The following FSTL4 variants were observed in gnomAD, a reference collection of about 807,000 sequenced individuals.
FSTL4 encodes the protein follistatin-related protein 4.
Under a neutral mutation model 78.2 loss-of-function variants are expected in FSTL4, and 28 were observed. The ratio of observed to expected loss-of-function variants is 0.36; its 90% CI spans 0.27 to 0.49. The LOEUF is 0.49. FSTL4 is among the 20% of genes least tolerant of loss of function. FSTL4 has a pLI of 0.98. For missense variants in FSTL4, 922 were observed against 1,084.9 expected, an observed-to-expected ratio of 0.85 and a Z score of 2.11; for synonymous variants, 422 against 440.5, an observed-to-expected ratio of 0.96 and a Z score of 0.53.
chr5:133,454,469 G>A (rs1428707603), intron 3 of FSTL4, among the ~76,000 whole-genome samples: 2 of 152,158 alleles, frequency 1.3e-5, no homozygotes, highest in African/African-American at 2.4e-5. Flanking sequence ...ACACAACTTC[G>A]GCATCAATCC....
At chr5:133,703,846 G>A in the FSTL4 span, among the ~76,000 whole-genome samples, 1 of 152,314 alleles carries the variant, frequency 6.6e-6, no homozygotes, top group Non-Finnish European at 1.5e-5. Context: ...GGGACTCCAG[G>A]GCCGAGCAAG....
chr5:133,777,859 A>G, the FSTL4 span, among the ~76,000 whole-genome samples: 1 of 152,258 alleles, frequency 6.6e-6, no homozygotes, highest in African/African-American at 2.4e-5. Flanking sequence ...TGCAATGAAC[A>G]GTCACATAGA....
chr5:133,581,721 T>C (rs1760414631), intron 2 of FSTL4, among the ~76,000 whole-genome samples: 1 of 152,252 alleles, frequency 6.6e-6, no homozygotes, highest in South Asian at 2.1e-4. Context: ...ATCCAGAGTA[T>C]AGGCCATACC....
At chr5:133,817,168 C>T in the FSTL4 span, among the ~76,000 whole-genome samples, 1 of 152,246 alleles carries the variant, frequency 6.6e-6, no homozygotes, top group Non-Finnish European at 1.5e-5. Flanking sequence ...CTTTTTAAAT[C>T]CTCGCGACAG....
At chr5:133,577,695 C>T (rs1456712685) in intron 2 of FSTL4, among the ~76,000 whole-genome samples, 3 of 152,094 alleles carry the variant, frequency 2.0e-5, no homozygotes, top group Non-Finnish European at 4.4e-5. Context: ...TTTGAGCCCA[C>T]GAGTTCGAGA....
chr5:133,411,256 C>T (rs750222465), intron 3 of FSTL4, among the ~76,000 whole-genome samples: 2 of 152,160 alleles, frequency 1.3e-5, no homozygotes, highest in Non-Finnish European at 2.9e-5. Flanking sequence ...ACTAGAATTA[C>T]AGCTACTGCA....
chr5:133,774,982 CAA>C, the FSTL4 span, among the ~76,000 whole-genome samples: 82 of 106,782 alleles, frequency 7.7e-4, 1 homozygote, highest in African/African-American at 2.2e-3. Context: ...TCTAAAATGA[CAA>C]AAAAAAAATG....
At chr5:133,388,112 A>T (rs1310576015) in intron 4 of FSTL4, 1 of 152,232 alleles carries the variant, frequency 6.6e-6, no homozygotes, top group Non-Finnish European at 1.5e-5. Context: ...TACCCTTTGC[A>T]ATTTTTGGTA....
chr5:133,277,493 A>G (rs1752909994), intron 6 of FSTL4, among the ~76,000 whole-genome samples: 1 of 152,198 alleles, frequency 6.6e-6, no homozygotes, highest in Non-Finnish European at 1.5e-5. Context: ...TTTTCTATGT[A>G]TGCTGCACTC....
intron 3 of FSTL4, among the ~76,000 whole-genome samples, chr5:133,406,360 T>C (rs927231528): frequency 7.2e-5 from 11 of 152,152 alleles, no homozygotes; most frequent in African/African-American, 2.7e-4. Flanking sequence ...GATGCAAAGT[T>C]TCACCCTGCC....
At chr5:133,284,887 G>A (rs190980071) in intron 6 of FSTL4, among the ~76,000 whole-genome samples, 23 of 152,280 alleles carry the variant, frequency 1.5e-4, no homozygotes, top group Middle Eastern at 6.8e-3. Context: ...ACAGACCCAC[G>A]GGAAGAGACA....
chr5:133,643,770 G>C, the FSTL4 span, among the ~76,000 whole-genome samples: 3 of 152,198 alleles, frequency 2.0e-5, no homozygotes. Flanking sequence ...AATAAAGTGA[G>C]ATCCTGCCCT....
chr5:133,592,565 C>T (rs1291848417), intron 2 of FSTL4, among the ~76,000 whole-genome samples: 5 of 152,280 alleles, frequency 3.3e-5, no homozygotes, highest in Admixed American at 2.0e-4. Flanking sequence ...CCCCGCCAAA[C>T]CTAATGCCAA....
At chr5:133,376,432 G>A (rs1755437308) in intron 4 of FSTL4, among the ~76,000 whole-genome samples, 4 of 152,040 alleles carry the variant, frequency 2.6e-5, no homozygotes, top group Admixed American at 2.0e-4. Flanking sequence ...AATCCAGGTA[G>A]ACTAAAAAAA....
chr5:133,395,658 C>T (rs1419626550), intron 4 of FSTL4, among the ~76,000 whole-genome samples: 4 of 152,130 alleles, frequency 2.6e-5, no homozygotes, highest in Non-Finnish European at 5.9e-5. Context: ...ACTATGCTCT[C>T]CCCTACACCC....
rs751778816 is a variant in FSTL4 at position 133,344,968 on chromosome 5, C to CTTT, written c.410-28319_410-28317dup. ...ACACTCCTCACCCTCCATGCCCCCA[C>CTTT]TTTTTTTTTTTTTTTTTTGAGACGG... On this transcript the variant is annotated intron_variant, in intron 4 of 15. Transcript: ENST00000265342. Among the ~76,000 whole-genome samples, 159 of 134,236 alleles carry CTTT rather than the reference C, an allele frequency of 1.2e-3. 5 individuals carry two copies. The highest frequency in any genetic ancestry group is 4.0e-3 in the African/African-American group (141 of 35,038). 88.1% of individuals were successfully genotyped at this position (134,236 alleles called of 152,430 possible).
the FSTL4 span, among the ~76,000 whole-genome samples, chr5:133,686,673 A>T: frequency 6.6e-6 from 1 of 152,224 alleles, no homozygotes; most frequent in Non-Finnish European, 1.5e-5. Flanking sequence ...CCCATTTCAC[A>T]TACAAAGGGA....
the FSTL4 span, among the ~76,000 whole-genome samples, chr5:133,648,018 T>A: frequency 6.6e-6 from 1 of 152,150 alleles, no homozygotes; most frequent in African/African-American, 2.4e-5. Context: ...AAGCTCTCTT[T>A]GCCTGCTGCC....
chr5:133,246,215 G>C (rs181847126), intron 7 of FSTL4, among the ~76,000 whole-genome samples: 7 of 152,174 alleles, frequency 4.6e-5, no homozygotes, highest in Non-Finnish European at 1.0e-4. Flanking sequence ...TCCCACTGCC[G>C]TGGGGTGAAC....
Sources: allele counts gnomAD v4.1 joint callset (sites outside exome capture counted in the v4.1 genomes callset), GRCh38; gene constraint gnomAD v4.1.1; transcripts MANE v1.5; gene names NCBI Gene and HGNC (gene_info 2026-07-23, HGNC 2026-07-21).